Variants in CCDC60 observed in about 807,000 individuals in gnomAD.
CCDC60 encodes coiled-coil domain-containing protein 60.
Under a neutral mutation model 63.5 loss-of-function variants are expected in CCDC60, and 54 were observed. The ratio of observed to expected loss-of-function variants is 0.85; its 90% CI spans 0.68 to 1.07. The LOEUF is 1.07. Among genes scored for constraint, CCDC60 ranks in the 50% least tolerant of loss-of-function variants. The probability of loss-of-function intolerance (pLI) is 0.00; values close to 1 mark genes in which losing one functional copy is unlikely to be tolerated. For synonymous variants in CCDC60, 206 were observed against 238.8 expected (o/e 0.86, Z 1.27); for missense variants, 651 against 684.3 (o/e 0.95, Z 0.54).
At chr12:119,375,670 CG>C (rs1471438172) in intron 1 of CCDC60, among the ~76,000 whole-genome samples, 1 of 152,176 alleles carries the variant, frequency 6.6e-6, no homozygotes, top group Admixed American at 6.5e-5. Flanking sequence ...CAGAGTCCTT[CG>C]TCCACCTAAA....
intron 4 of CCDC60, among the ~76,000 whole-genome samples, chr12:119,486,950 C>T (rs184898401): frequency 1.3e-5 from 2 of 152,110 alleles, no homozygotes; most frequent in Non-Finnish European, 1.5e-5. Context: ...AGAGCAATTA[C>T]ACAGGTTCTT....
intron 2 of CCDC60, among the ~76,000 whole-genome samples, chr12:119,451,735 A>G (rs1267322573): frequency 6.6e-6 from 1 of 152,236 alleles, no homozygotes; most frequent in Non-Finnish European, 1.5e-5. Flanking sequence ...CAATAAAGAT[A>G]TCAGGAAGGA....
chr12:119,432,743 CA>C (rs1286915534), intron 2 of CCDC60, among the ~76,000 whole-genome samples: 1 of 152,126 alleles, frequency 6.6e-6, no homozygotes, highest in Non-Finnish European at 1.5e-5. Context: ...ATTATTGAAC[CA>C]ATTATTAAAC....
intron 1 of CCDC60, among the ~76,000 whole-genome samples, chr12:119,399,684 G>T (rs959368097): frequency 6.6e-6 from 1 of 152,298 alleles, no homozygotes; most frequent in East Asian, 1.9e-4. Flanking sequence ...TGAAGACAGG[G>T]GGGAAGGGAA....
chr12:119,523,122 T>C, intron 10 of CCDC60, 121 bp downstream of exon 10: 1 of 905,926 alleles, frequency 1.1e-6, no homozygotes, highest in Non-Finnish European at 1.8e-6. Flanking sequence ...CCGTAGATGA[T>C]GCTGAAGGAC....
intron 1 of CCDC60, among the ~76,000 whole-genome samples, chr12:119,360,162 G>C (rs1186340378): frequency 1.0e-4 from 15 of 150,244 alleles, no homozygotes; most frequent in Non-Finnish European, 1.9e-4. Flanking sequence ...CGGGCGGGGG[G>C]CTGACCCCCC....
intron 2 of CCDC60, among the ~76,000 whole-genome samples, chr12:119,455,780 A>AGAGT (rs1950719088): frequency 6.8e-6 from 1 of 148,058 alleles, no homozygotes; most frequent in Admixed American, 6.9e-5. Flanking sequence ...AAAGAGTGAA[A>AGAGT]GAAAGAAAAA....
chr12:119,422,106 G>A (rs1465939259), intron 1 of CCDC60, among the ~76,000 whole-genome samples: 2 of 152,184 alleles, frequency 1.3e-5, no homozygotes, highest in African/African-American at 2.4e-5. Flanking sequence ...CACACATGCT[G>A]TAGGAAAGGT....
rs1566050673 is a variant in CCDC60, at chr12:119,507,600, A to ATTT, written c.883+2298_883+2299insTTT. 5.7e-3 allele frequency among the ~76,000 whole-genome samples: 123 copies of ATTT among 21,652 alleles called. 12 individuals carry two copies. The highest frequency in any genetic ancestry group is 0.014 in the South Asian group (5 of 360). The allele number at this position is 21,652 out of a possible 152,430, so 14.2% of individuals were successfully genotyped here. On this transcript the variant is annotated intron_variant, in intron 7 of 13. Transcript: ENST00000327554. ...TATACACATATATATACATATATAT[A>ATTT]TATATATATATATATTTTTTTTTTT...
At chr12:119,478,845 TC>T (rs1424197444) in intron 3 of CCDC60, among the ~76,000 whole-genome samples, 3 of 151,980 alleles carry the variant, frequency 2.0e-5, no homozygotes, top group Non-Finnish European at 4.4e-5. Context: ...GACCTTGTGA[TC>T]CACCCGCCTC....
intron 11 of CCDC60, among the ~76,000 whole-genome samples, chr12:119,525,929 G>A (rs574446187): frequency 3.6e-4 from 55 of 152,132 alleles, no homozygotes; most frequent in African/African-American, 1.3e-3. Context: ...AAAATTATAT[G>A]GAACCAAAAA....
At position 119,389,093 on chromosome 12, in the gene CCDC60, G is replaced by A. The variant is rs1956109776; in HGVS notation, c.91-39590G>A. Reference sequence around the variant, plus strand: ...TTCATGGCTTCCCACAGTAGCACCTGTGGCTCTCTGTCTGTGGTCTGGGGC... The same window carrying A: ...TTCATGGCTTCCCACAGTAGCACCTATGGCTCTCTGTCTGTGGTCTGGGGC... On this transcript the variant is annotated intron_variant, in intron 1 of 13. Transcript: ENST00000327554. Among the ~76,000 whole-genome samples the A allele has an allele frequency of 2.0e-5, 3 of 152,288 alleles. No homozygotes were observed. The South Asian group carries it at 6.2e-4, about 32-fold the overall frequency.
intron 2 of CCDC60, among the ~76,000 whole-genome samples, chr12:119,437,379 T>C (rs1474115629): frequency 9.9e-5 from 15 of 152,208 alleles, no homozygotes; most frequent in Admixed American, 8.5e-4. Flanking sequence ...CTAAAAACCT[T>C]CTCAGCCTAG....
intron 8 of CCDC60, among the ~76,000 whole-genome samples, chr12:119,519,731 G>A (rs1164389677): frequency 1.3e-5 from 2 of 151,998 alleles, no homozygotes; most frequent in African/African-American, 2.4e-5. Context: ...CCAAAGTGCT[G>A]GGATCACAGG....
chr12:119,372,947 A>G (rs988040012), intron 1 of CCDC60, among the ~76,000 whole-genome samples: 1 of 151,300 alleles, frequency 6.6e-6, no homozygotes, highest in Non-Finnish European at 1.5e-5. Flanking sequence ...GAACTAAAGT[A>G]GATACTTAAG....
chr12:119,352,169 A>G (rs1371472628), intron 1 of CCDC60, among the ~76,000 whole-genome samples: 1 of 152,126 alleles, frequency 6.6e-6, no homozygotes. Context: ...TTTCAAAACA[A>G]CTAGAGATCA....
chr12:119,363,517 C>T (rs1023991609), intron 1 of CCDC60, among the ~76,000 whole-genome samples: 1 of 152,022 alleles, frequency 6.6e-6, no homozygotes, highest in Non-Finnish European at 1.5e-5. Flanking sequence ...TTAACAAAGT[C>T]AAATTTATCC....
chr12:119,455,611 C>CTAAA (rs1950713073), intron 2 of CCDC60, among the ~76,000 whole-genome samples: 1 of 151,836 alleles, frequency 6.6e-6, no homozygotes, highest in Non-Finnish European at 1.5e-5. Context: ...GCTTATAATC[C>CTAAA]TAAATTTTTG....
Position 119,520,202 on chromosome 12 carries a change from C to T in CCDC60, c.1040+10C>T. ...CCACTCTCAAATCAAGGTAGGAAAG[C>T]CTGGAGCCTGCAGCAGGTGCCTCCG... On this transcript the variant is annotated intron_variant, in intron 9 of 13. Coordinates refer to ENST00000327554, the MANE Select transcript of CCDC60 (RefSeq NM_178499.5). 1.2e-6 allele frequency: 2 copies of T among 1,612,702 alleles called. No homozygotes were observed. Among genetic ancestry groups the T allele is most frequent in the Middle Eastern group, 1.7e-4 (1 of 6,038 alleles).
Sources: allele counts gnomAD v4.1 joint callset (sites outside exome capture counted in the v4.1 genomes callset), GRCh38; gene constraint gnomAD v4.1.1; transcripts MANE v1.5; gene names NCBI Gene and HGNC (gene_info 2026-07-23, HGNC 2026-07-21).